PLXNA4: variants seen among roughly 807,000 people sequenced by gnomAD.
PLXNA4 encodes the protein plexin A4.
In PLXNA4, 44 loss-of-function variants were observed where a neutral mutation model predicts 191.8. The ratio of observed to expected loss-of-function variants is 0.23; its 90% CI spans 0.18 to 0.29. PLXNA4 has a LOEUF of 0.29. PLXNA4 is among the 10% of genes least tolerant of loss of function. The probability of loss-of-function intolerance (pLI) is 1.00; values close to 1 mark genes in which losing one functional copy is unlikely to be tolerated. For missense variants in PLXNA4, 1,800 were observed against 2,488.8 expected (o/e 0.72, Z 5.89); for synonymous variants, 1,082 against 1,009.5 (o/e 1.07, Z -1.36).
intron 3 of PLXNA4, among the ~76,000 whole-genome samples, chr7:132,319,591 C>T (rs1802085646): frequency 6.6e-6 from 1 of 152,010 alleles, no homozygotes. Context: ...TCTCCAAACA[C>T]ATTGCCGCTG....
intron 14 of PLXNA4, 114 bp from the exon 15 acceptor site, chr7:132,187,721 C>T (rs2116778229): frequency 1.4e-6 from 2 of 1,459,610 alleles, no homozygotes; most frequent in East Asian, 4.9e-5. Context: ...TCTTTGGTAA[C>T]AGTGGTCTCC....
intron 4 of PLXNA4, among the ~76,000 whole-genome samples, chr7:132,268,817 C>A (rs1008542056): frequency 6.6e-6 from 1 of 152,124 alleles, no homozygotes; most frequent in Admixed American, 6.5e-5. Flanking sequence ...CAACTGCTGG[C>A]CTTCCTGGTG....
intron 4 of PLXNA4, among the ~76,000 whole-genome samples, chr7:132,288,902 A>G (rs574949446): frequency 6.6e-6 from 1 of 152,300 alleles, no homozygotes; most frequent in African/African-American, 2.4e-5. Flanking sequence ...TCCTCAGAAC[A>G]TCCTGGGAGG....
intron 3 of PLXNA4, among the ~76,000 whole-genome samples, chr7:132,466,519 C>A (rs1796709564): frequency 6.6e-6 from 1 of 152,322 alleles, no homozygotes; most frequent in East Asian, 1.9e-4. Context: ...AGAGCAGCAT[C>A]CACACTTGGT....
At chr7:132,396,039 A>G (rs1793741378) in intron 3 of PLXNA4, among the ~76,000 whole-genome samples, 1 of 152,084 alleles carries the variant, frequency 6.6e-6, no homozygotes, top group African/African-American at 2.4e-5. Flanking sequence ...TTGCCTGGGG[A>G]CTTCCTGGGA....
intron 12 of PLXNA4, among the ~76,000 whole-genome samples, chr7:132,199,824 C>A (rs765573375): frequency 1.2e-4 from 19 of 152,164 alleles, no homozygotes; most frequent in Non-Finnish European, 2.5e-4. Context: ...AGTCAAGCTA[C>A]CTCCCACCTC....
intron 1 of PLXNA4, among the ~76,000 whole-genome samples, chr7:132,567,846 CAG>C (rs1801801532): frequency 6.6e-6 from 1 of 152,150 alleles, no homozygotes; most frequent in African/African-American, 2.4e-5. Context: ...CTGCTTGAAG[CAG>C]GGGCTGACCC....
At chr7:132,399,252 A>G (rs1442163972) in intron 3 of PLXNA4, among the ~76,000 whole-genome samples, 1 of 152,194 alleles carries the variant, frequency 6.6e-6, no homozygotes, top group East Asian at 1.9e-4. Flanking sequence ...GACACAACCC[A>G]GTCCCTGCAA....
chr7:132,404,211 T>G (rs1401524264), intron 3 of PLXNA4, among the ~76,000 whole-genome samples: 1 of 152,158 alleles, frequency 6.6e-6, no homozygotes, highest in Admixed American at 6.5e-5. Flanking sequence ...TCCAGGAGGC[T>G]GATGTGAGGC....
intron 1 of PLXNA4, among the ~76,000 whole-genome samples, chr7:132,523,852 A>G (rs546126477): frequency 1.4e-4 from 22 of 152,212 alleles, no homozygotes; most frequent in African/African-American, 5.3e-4. Flanking sequence ...TGCTGGTACC[A>G]TTTAACTGAT....
chr7:132,383,743 T>C, intron 3 of PLXNA4: 2 of 984,752 alleles, frequency 2.0e-6, no homozygotes, highest in Non-Finnish European at 2.4e-6. Context: ...TTATTACCCT[T>C]GAAACAAATT....
intron 13 of PLXNA4, among the ~76,000 whole-genome samples, chr7:132,197,738 C>A (rs1016054922): frequency 6.6e-6 from 1 of 151,936 alleles, no homozygotes; most frequent in Non-Finnish European, 1.5e-5. Context: ...CTAGGCAAGA[C>A]CCAGCAAGCA....
intron 2 of PLXNA4, among the ~76,000 whole-genome samples, chr7:132,637,947 A>C (rs1053651283): frequency 6.6e-6 from 1 of 152,204 alleles, no homozygotes; most frequent in African/African-American, 2.4e-5. Context: ...AAATCCAAAA[A>C]TGGATACTAA....
At chr7:132,546,570 G>T (rs1473681918) in intron 1 of PLXNA4, among the ~76,000 whole-genome samples, 2 of 152,160 alleles carry the variant, frequency 1.3e-5, no homozygotes, top group African/African-American at 2.4e-5. Context: ...AACAGAAGGG[G>T]GCAGGTGCTG....
intron 2 of PLXNA4, among the ~76,000 whole-genome samples, chr7:132,627,727 A>G (rs938136128): frequency 2.0e-5 from 3 of 152,174 alleles, no homozygotes; most frequent in Non-Finnish European, 2.9e-5. Flanking sequence ...TTCTTCCACC[A>G]TATGAGGACT....
chr7:132,216,273 T>C lies in PLXNA4; in HGVS notation c.2098-5130A>G, dbSNP rs1797959889. 2.0e-5 allele frequency among the ~76,000 whole-genome samples: 3 copies of C among 152,224 alleles called. No homozygotes were observed. In the South Asian group the frequency reaches 6.2e-4, roughly 32 times the overall value. ...TCCTTTTAGTCCCAGTTCTATCCAC[T>C]ATTAATAGCTGATAATCTGGAATAT... On this transcript the variant is annotated intron_variant, in intron 9 of 31. Coordinates refer to ENST00000321063, the MANE Select transcript of PLXNA4 (RefSeq NM_020911.2).
At chr7:132,612,400 A>G (rs1030232384) in intron 2 of PLXNA4, among the ~76,000 whole-genome samples, 2 of 152,034 alleles carry the variant, frequency 1.3e-5, no homozygotes, top group East Asian at 1.9e-4. Context: ...GTGGCTCATG[A>G]CTGTAATCCC....
chr7:132,360,297 C>A (rs943400937), intron 3 of PLXNA4, among the ~76,000 whole-genome samples: 6 of 152,194 alleles, frequency 3.9e-5, no homozygotes, highest in Admixed American at 3.3e-4. Context: ...CCACATGAAG[C>A]TGCCATGAGA....
At chr7:132,155,099 G>A (rs1344121683) in intron 25 of PLXNA4, among the ~76,000 whole-genome samples, 3 of 152,132 alleles carry the variant, frequency 2.0e-5, no homozygotes, top group Non-Finnish European at 4.4e-5. Flanking sequence ...CAGCTTGCTC[G>A]ACTTGAGCCA....
Sources: allele counts gnomAD v4.1 joint callset (sites outside exome capture counted in the v4.1 genomes callset), GRCh38; gene constraint gnomAD v4.1.1; transcripts MANE v1.5; gene names NCBI Gene and HGNC (gene_info 2026-07-23, HGNC 2026-07-21).